The following TMEM167A variants were observed in gnomAD, a reference collection of about 807,000 sequenced individuals.
TMEM167A encodes the protein transmembrane protein 167A.
A neutral mutation model predicts 11.6 loss-of-function variants in TMEM167A; 8 were observed. The ratio of observed to expected loss-of-function variants is 0.69; its 90% confidence interval spans 0.40 to 1.24. The LOEUF (loss-of-function observed/expected upper bound fraction) is 1.24, where lower values mean the gene tolerates loss of function less well. Among genes scored for constraint, TMEM167A ranks in the 50% most tolerant of loss-of-function variants. The pLI, the probability that TMEM167A is intolerant of heterozygous loss-of-function variation, is 0.01. For missense variants in TMEM167A, 62 were observed against 87.0 expected (o/e 0.71, Z 1.14); for synonymous variants, 22 against 28.0 (o/e 0.79, Z 0.67).
chr5:83,074,774 C>CTT (rs58381163), intron 1 of TMEM167A, among the ~76,000 whole-genome samples: 1 of 147,402 alleles, frequency 6.8e-6, no homozygotes, highest in African/African-American at 2.5e-5. Context: ...TCCCCAGACT[C>CTT]TTTTTTTTTT....
intron 1 of TMEM167A, among the ~76,000 whole-genome samples, chr5:83,075,990 G>A (rs188041911): frequency 2.6e-5 from 4 of 152,248 alleles, no homozygotes; most frequent in African/African-American, 7.2e-5. Flanking sequence ...TTCCACCTAT[G>A]TCTAATTTAT....
At chr5:83,065,163 C>T in intron 1 of TMEM167A, 46 bp from the exon 2 acceptor site, 1 of 1,224,404 alleles carries the variant, frequency 8.2e-7, no homozygotes, top group Non-Finnish European at 1.2e-6. Flanking sequence ...AGAAAAACTG[C>T]ATAGGTAAAA....
At position 83,077,345 on chromosome 5, in the gene TMEM167A, G is replaced by A. The variant is rs774741802; in HGVS notation, c.-22C>T. 5 of 1,614,056 alleles carry A rather than the reference G, an allele frequency of 3.1e-6. No individual in the cohort carries two copies. The highest frequency in any genetic ancestry group is 4.2e-6 in the Non-Finnish European group (5 of 1,180,022). Reference sequence around the variant, plus strand: ...CCATAGCGAGGCCGGCGATGCCGCAGCCACATCACCCTTCCGGGGCTCAGG... The same window carrying A: ...CCATAGCGAGGCCGGCGATGCCGCAACCACATCACCCTTCCGGGGCTCAGG... On this transcript the variant is annotated 5_prime_UTR_variant, in exon 1 of 4. Coordinates refer to ENST00000502346, the MANE Select transcript of TMEM167A (RefSeq NM_174909.5).
intron 1 of TMEM167A, among the ~76,000 whole-genome samples, chr5:83,073,827 G>A (rs1306505922): frequency 6.6e-6 from 1 of 152,214 alleles, no homozygotes; most frequent in African/African-American, 2.4e-5. Flanking sequence ...AATCATCCAA[G>A]CTGGAGCTGT....
Position 83,056,036 on chromosome 5 carries a change from C to G in TMEM167A, c.*1048G>C, listed in dbSNP as rs1433955801. The G allele has an allele frequency of 6.6e-6, 1 of 151,922 alleles. No individual in the cohort carries two copies. The highest frequency in any genetic ancestry group is 1.5e-5 in the Non-Finnish European group (1 of 67,892). 9.4% of individuals were successfully genotyped at this position (151,922 alleles called of 1,614,324 possible). A position where few individuals can be genotyped will look rare whatever the true frequency, so the allele number is the denominator to read the frequency against. ...TAGAAGTCACATTCCTAATATTCCT[C>G]TCGCCTAGACTAAAAATTGTTGAAG... On this transcript the variant is annotated 3_prime_UTR_variant, in exon 4 of 4. Coordinates refer to ENST00000502346, the MANE Select transcript of TMEM167A (RefSeq NM_174909.5).
In TMEM167A at chr5:83,068,679, T is replaced by A. The variant is rs77864540; in HGVS notation, c.4-3562A>T. On this transcript the variant is annotated intron_variant, in intron 1 of 3. Coordinates refer to ENST00000502346, the MANE Select transcript of TMEM167A (RefSeq NM_174909.5). ...GAAAAAAACCCTACAGAAAAAGTCA[T>A]TGGCACGTTCAGGGAATAATGAGAA... 7.7e-3 allele frequency among the ~76,000 whole-genome samples: 1,171 copies of A among 152,196 alleles called. 9 individuals carry two copies. The highest frequency in any genetic ancestry group is 0.024 in the Middle Eastern group (7 of 294).
At chr5:83,064,317 A>C (rs754127659) in intron 2 of TMEM167A, 3 of 518,518 alleles carry the variant, frequency 5.8e-6, no homozygotes, top group African/African-American at 5.8e-5. Flanking sequence ...AGGAATGAGA[A>C]GCAGACATTT....
chr5:83,056,467 A>G lies in TMEM167A; in HGVS notation c.*617T>C, dbSNP rs1744333460. On this transcript the variant is annotated 3_prime_UTR_variant, in exon 4 of 4. Coordinates refer to ENST00000502346, the MANE Select transcript of TMEM167A (RefSeq NM_174909.5). ...CTAAATCCACTAATGTTAACTATCA[A>G]CATTTTCCCAATACTATTTTTAAGT... 1.3e-5 allele frequency: 2 copies of G among 152,268 alleles called. No individual in the cohort carries two copies. Among genetic ancestry groups the G allele is most frequent in the African/African-American group, 2.4e-5 (1 of 41,426 alleles). The allele number at this position is 152,268 out of a possible 1,614,324, so 9.4% of individuals were successfully genotyped here. A position where few individuals can be genotyped will look rare whatever the true frequency, so the allele number is the denominator to read the frequency against.
chr5:83,063,310 C>G (rs899640397), intron 2 of TMEM167A, among the ~76,000 whole-genome samples: 1 of 152,042 alleles, frequency 6.6e-6, no homozygotes, highest in African/African-American at 2.4e-5. Flanking sequence ...AGTGATTACA[C>G]GGAAAGTCCT....
At position 83,052,847 on chromosome 5, in the gene TMEM167A, T is replaced by TGA. The variant is rs1413499053; in HGVS notation, c.*4235_*4236dup. ...CAATAAGACAAAAGTAGGAGGCTCT[T>TGA]GAGAGTTCATCTTGACTTTTATTAC... On this transcript the variant is annotated 3_prime_UTR_variant, in exon 4 of 4. Transcript: ENST00000502346. The TGA allele has an allele frequency of 6.6e-6, 1 of 151,964 alleles. No homozygotes were observed. Among genetic ancestry groups the TGA allele is most frequent in the Admixed American group, 6.6e-5 (1 of 15,226 alleles). The allele number at this position is 151,964 out of a possible 1,614,324, so 9.4% of individuals were successfully genotyped here. A position where few individuals can be genotyped will look rare whatever the true frequency, so the allele number is the denominator to read the frequency against.
chr5:83,065,980 ACT>A (rs1286689670), intron 1 of TMEM167A, among the ~76,000 whole-genome samples: 1 of 151,788 alleles, frequency 6.6e-6, no homozygotes, highest in Admixed American at 6.6e-5. Flanking sequence ...TTTATGTAGA[ACT>A]CTCTTTTCTA....
chr5:83,068,704 A>C (rs1744518922), intron 1 of TMEM167A, among the ~76,000 whole-genome samples: 1 of 152,218 alleles, frequency 6.6e-6, no homozygotes. Flanking sequence ...AATAATGAGA[A>C]TCTTACTGTA....
intron 2 of TMEM167A, 41 bp downstream of exon 2, chr5:83,064,967 T>A: frequency 1.7e-6 from 2 of 1,170,408 alleles, no homozygotes; most frequent in Non-Finnish European, 2.5e-6. Flanking sequence ...TGAACATTTG[T>A]AAGAACTAAT....
In TMEM167A at chr5:83,061,905, C is replaced by T; in HGVS notation, c.120G>A (p.Leu40=). Residue 40 remains leucine (L), a synonymous_variant, in exon 3 of 4, where the codon TTG becomes TTA. Transcript: ENST00000502346. ...TTCTGGCACACTTCCAAAATATACCCAACAATCTGCATAGAATAAAAAAAG... is the reference window on the plus strand; with the variant it reads ...TTCTGGCACACTTCCAAAATATACCTAACAATCTGCATAGAATAAAAAAAG... ...SLLDRNKTGL[L]GIFWKCARIG... The T allele has an allele frequency of 6.2e-7, 1 of 1,612,332 alleles. No homozygotes were observed. Among genetic ancestry groups the T allele is most frequent in the East Asian group, 2.2e-5 (1 of 44,824 alleles).
At chr5:83,066,759 C>G (rs1053304285) in intron 1 of TMEM167A, among the ~76,000 whole-genome samples, 1 of 151,064 alleles carries the variant, frequency 6.6e-6, no homozygotes, top group Non-Finnish European at 1.5e-5. Flanking sequence ...GGTTTGGGGA[C>G]GGGGTGGTGG....
At chr5:83,064,223 T>C (rs770331160) in intron 2 of TMEM167A, 1 of 518,224 alleles carries the variant, frequency 1.9e-6, no homozygotes, top group Non-Finnish European at 3.9e-6. Context: ...AGAAATATAC[T>C]ACCACTCAAC....
intron 1 of TMEM167A, among the ~76,000 whole-genome samples, chr5:83,075,545 G>A (rs1287600384): frequency 6.6e-6 from 1 of 152,110 alleles, no homozygotes; most frequent in Non-Finnish European, 1.5e-5. Flanking sequence ...AAGAGATCGA[G>A]ACCATCTTGG....
chr5:83,065,535 T>C (rs1744469300), intron 1 of TMEM167A, among the ~76,000 whole-genome samples: 1 of 152,120 alleles, frequency 6.6e-6, no homozygotes, highest in African/African-American at 2.4e-5. Context: ...TTAAAAGTTA[T>C]TCATTACAGG....
intron 1 of TMEM167A, among the ~76,000 whole-genome samples, chr5:83,069,091 C>T (rs1302786977): frequency 6.6e-6 from 1 of 152,100 alleles, no homozygotes; most frequent in Non-Finnish European, 1.5e-5. Flanking sequence ...CAAAAGAAAA[C>T]CATTTACAAG....
Sources: gnomAD v4.1 joint callset for allele counts (sites outside exome capture counted in the v4.1 genomes callset) on GRCh38, gnomAD v4.1.1 for gene constraint, MANE v1.5 for transcripts, NCBI Gene and HGNC (gene_info 2026-07-23, HGNC 2026-07-21) for gene names.